PCSK5: variants seen among roughly 807,000 people sequenced by gnomAD.
The protein encoded by PCSK5 is proprotein convertase subtilisin/kexin type 5.
Under a neutral mutation model 233.2 loss-of-function variants are expected in PCSK5, and 129 were observed. The ratio of observed to expected loss-of-function variants is 0.55; its 90% CI spans 0.48 to 0.64. The LOEUF is 0.64. PCSK5 is among the 30% of genes least tolerant of loss of function. The probability of loss-of-function intolerance (pLI) is 0.00; values close to 1 mark genes in which losing one functional copy is unlikely to be tolerated. For missense variants in PCSK5, 2,076 were observed against 2,430.1 expected (o/e 0.85, Z 3.06); for synonymous variants, 825 against 879.2 (o/e 0.94, Z 1.09).
At chr9:76,199,854 GCTGT>G (rs1251471254) in intron 20 of PCSK5, among the ~76,000 whole-genome samples, 1 of 151,992 alleles carries the variant, frequency 6.6e-6, no homozygotes, top group Non-Finnish European at 1.5e-5. Context: ...TTTCCCTTCA[GCTGT>G]CTAATAGGCA....
At chr9:75,963,828 G>A (rs968017455) in intron 2 of PCSK5, among the ~76,000 whole-genome samples, 10 of 152,146 alleles carry the variant, frequency 6.6e-5, no homozygotes, top group African/African-American at 9.7e-5. Context: ...GCAGTGAGCC[G>A]AAATCGTGCC....
intron 8 of PCSK5, among the ~76,000 whole-genome samples, chr9:76,104,881 C>T (rs2131674551): frequency 6.6e-6 from 1 of 152,310 alleles, no homozygotes; most frequent in African/African-American, 2.4e-5. Flanking sequence ...GCCGTCTCAA[C>T]AACAGCAGAT....
chr9:76,157,467 G>T (rs922242937), intron 11 of PCSK5, among the ~76,000 whole-genome samples: 9 of 149,336 alleles, frequency 6.0e-5, no homozygotes, highest in African/African-American at 2.3e-4. Flanking sequence ...TTCTCCAGAA[G>T]TCAGTGTACT....
chr9:75,957,933 C>T (rs192638460), intron 2 of PCSK5, among the ~76,000 whole-genome samples: 8 of 152,138 alleles, frequency 5.3e-5, no homozygotes, highest in Admixed American at 4.6e-4. Context: ...AGTGTTTCAC[C>T]AAGGATCTAA....
Position 76,298,428 on chromosome 9 carries a change from C to T in PCSK5, c.3523+1563C>T, listed in dbSNP as rs145638023. On this transcript the variant is annotated intron_variant, in intron 27 of 37. Coordinates refer to ENST00000674117, the MANE Select transcript of PCSK5 (RefSeq NM_001372043.1). ...GGCTGGACAAAAGCAATCAAGTCAA[C>T]GACAGAGCTGTACTTTCCCATTCCC... Among the ~76,000 whole-genome samples, 17 of 152,186 alleles carry T rather than the reference C, an allele frequency of 1.1e-4. No individual in the cohort carries two copies. The East Asian group carries it at 2.5e-3, about 22-fold the overall frequency.
intron 24 of PCSK5, among the ~76,000 whole-genome samples, chr9:76,258,835 C>A (rs1827064543): frequency 6.6e-6 from 1 of 152,114 alleles, no homozygotes; most frequent in Non-Finnish European, 1.5e-5. Flanking sequence ...GTCATTTACC[C>A]CCTTGAATGT....
intron 1 of PCSK5, among the ~76,000 whole-genome samples, chr9:75,892,063 C>G (rs995583497): frequency 1.3e-5 from 2 of 152,122 alleles, no homozygotes; most frequent in Non-Finnish European, 2.9e-5. Flanking sequence ...GGGAAACTTC[C>G]GAAACCGGCT....
intron 7 of PCSK5, among the ~76,000 whole-genome samples, chr9:76,072,115 A>G (rs1830502353): frequency 6.6e-6 from 1 of 152,224 alleles, no homozygotes; most frequent in African/African-American, 2.4e-5. Flanking sequence ...TCTGAAGAGA[A>G]CAGAGGTATG....
chr9:76,316,841 G>A (rs1239444729), intron 30 of PCSK5, among the ~76,000 whole-genome samples: 1 of 151,446 alleles, frequency 6.6e-6, no homozygotes, highest in Non-Finnish European at 1.5e-5. Flanking sequence ...AACTGCTGGT[G>A]GGCATATAAC....
At chr9:75,897,492 T>TTC (rs200111202) in intron 1 of PCSK5, among the ~76,000 whole-genome samples, 2,841 of 147,148 alleles carry the variant, frequency 0.019, 92 homozygotes, top group African/African-American at 0.064. Flanking sequence ...TTCTTTTCTT[T>TTC]TTTTTTTTTT....
At chr9:75,897,489 CTTTTT>C (rs58504698) in intron 1 of PCSK5, among the ~76,000 whole-genome samples, 12 of 119,630 alleles carry the variant, frequency 1.0e-4, no homozygotes, top group African/African-American at 2.6e-4. Flanking sequence ...TCTTTCTTTT[CTTTTT>C]TTTTTTTTTT....
At chr9:76,061,683 T>C (rs1830034307) in intron 5 of PCSK5, among the ~76,000 whole-genome samples, 1 of 150,586 alleles carries the variant, frequency 6.6e-6, no homozygotes, top group Admixed American at 6.6e-5. Flanking sequence ...CAATTGATTA[T>C]AGTTTACAGT....
chr9:75,981,240 A>T (rs1826263635), intron 2 of PCSK5, among the ~76,000 whole-genome samples: 1 of 152,180 alleles, frequency 6.6e-6, no homozygotes, highest in Admixed American at 6.5e-5. Flanking sequence ...TTCCTAGTCA[A>T]ACCACACAAT....
intron 20 of PCSK5, chr9:76,193,443 C>G: frequency 1.3e-6 from 1 of 762,050 alleles, no homozygotes. Flanking sequence ...AAAAAAAAAG[C>G]AAGCCACCTC....
intron 35 of PCSK5, among the ~76,000 whole-genome samples, chr9:76,340,443 C>T (rs1587352856): frequency 6.6e-6 from 1 of 151,828 alleles, no homozygotes; most frequent in Non-Finnish European, 1.5e-5. Context: ...GTCAGGAGTT[C>T]GAGACCAGCC....
chr9:76,316,377 G>T (rs1391648673), intron 30 of PCSK5, among the ~76,000 whole-genome samples: 1 of 151,976 alleles, frequency 6.6e-6, no homozygotes. Flanking sequence ...CTCTCTTTGG[G>T]TGAGGTCAAA....
chr9:76,335,391 A>T (rs1829651234), intron 34 of PCSK5, among the ~76,000 whole-genome samples: 1 of 152,250 alleles, frequency 6.6e-6, no homozygotes, highest in Non-Finnish European at 1.5e-5. Context: ...CTCTTCCTTT[A>T]GTAAAATCAG....
At chr9:76,056,245 G>A (rs1231416230) in intron 5 of PCSK5, among the ~76,000 whole-genome samples, 1 of 152,158 alleles carries the variant, frequency 6.6e-6, no homozygotes, top group African/African-American at 2.4e-5. Context: ...GCAATGTCAA[G>A]GGTAAAGGGT....
intron 21 of PCSK5, among the ~76,000 whole-genome samples, chr9:76,231,168 A>C (rs1041916526): frequency 1.3e-5 from 2 of 152,194 alleles, no homozygotes; most frequent in South Asian, 4.1e-4. Context: ...AAGGGGAGGA[A>C]AGGCTCCTTC....
Sources: allele counts gnomAD v4.1 joint callset (sites outside exome capture counted in the v4.1 genomes callset), GRCh38; gene constraint gnomAD v4.1.1; transcripts MANE v1.5; gene names NCBI Gene and HGNC (gene_info 2026-07-23, HGNC 2026-07-21).